The following CACNA1G variants were observed in gnomAD, a reference collection of about 807,000 sequenced individuals.
CACNA1G encodes the protein voltage-dependent T-type calcium channel subunit alpha-1G.
A neutral mutation model predicts 219.4 loss-of-function variants in CACNA1G; 67 were observed. That is an observed-to-expected ratio of 0.31 (90% confidence interval 0.25 to 0.37). The LOEUF (loss-of-function observed/expected upper bound fraction) is 0.37, where lower values mean the gene tolerates loss of function less well. Among genes scored for constraint, CACNA1G ranks in the 10% least tolerant of loss-of-function variants. The pLI is 1.00. For synonymous variants in CACNA1G, 1,296 were observed against 1,345.3 expected, an observed-to-expected ratio of 0.96 and a Z score of 0.80; for missense variants, 2,380 against 3,231.4, an observed-to-expected ratio of 0.74 and a Z score of 6.39.
At position 50,605,431 on chromosome 17, in the gene CACNA1G, G is replaced by T. The variant is rs2047746225; in HGVS notation, c.4297-467G>T. On this transcript the variant is annotated intron_variant, in intron 22 of 37. Coordinates refer to ENST00000359106, the MANE Select transcript of CACNA1G (RefSeq NM_018896.5). Reference sequence around the variant, plus strand: ...GATACCCACTCCCCCACCCAGAGCTGCTGTGAGAATTAAATGCCCAGCTCA... The same window carrying T: ...GATACCCACTCCCCCACCCAGAGCTTCTGTGAGAATTAAATGCCCAGCTCA... Among the ~76,000 whole-genome samples, 4 of 152,196 alleles carry T rather than the reference G, an allele frequency of 2.6e-5. No individual in the cohort carries two copies. The South Asian group carries it at 8.3e-4, about 32-fold the overall frequency.
At chr17:50,562,387 G>A (rs1012397130) in intron 1 of CACNA1G, among the ~76,000 whole-genome samples, 1 of 152,192 alleles carries the variant, frequency 6.6e-6, no homozygotes, top group Non-Finnish European at 1.5e-5. Flanking sequence ...GATGTCAGGG[G>A]CGCAGAATGA....
intron 1 of CACNA1G, among the ~76,000 whole-genome samples, chr17:50,564,028 T>C (rs2036895953): frequency 1.3e-5 from 2 of 152,092 alleles, no homozygotes; most frequent in African/African-American, 4.8e-5. Context: ...CCCAACTAAC[T>C]GAAGCTAGTT....
At chr17:50,606,162 C>A (rs1297744787) in intron 23 of CACNA1G, 139 bp downstream of exon 23, 3 of 1,230,548 alleles carry the variant, frequency 2.4e-6, no homozygotes, top group Admixed American at 1.7e-5. Flanking sequence ...GCTGTCTAAC[C>A]ACCAGCATGT....
intron 26 of CACNA1G, 68 bp from the exon 27 acceptor site, chr17:50,615,293 A>C (rs1598706179): frequency 7.4e-7 from 1 of 1,356,532 alleles, no homozygotes; most frequent in Non-Finnish European, 9.6e-7. Context: ...GCTGTGAGGG[A>C]CTGGGGGTGG....
At chr17:50,579,771 G>A (rs911320279) in intron 9 of CACNA1G, among the ~76,000 whole-genome samples, 17 of 152,140 alleles carry the variant, frequency 1.1e-4, no homozygotes, top group African/African-American at 4.1e-4. Context: ...GGGGCCAGTG[G>A]TGTGGAGTGG....
At chr17:50,572,879 C>G (rs746023659) in intron 6 of CACNA1G, 25 bp downstream of exon 6, 2 of 1,604,780 alleles carry the variant, frequency 1.2e-6, no homozygotes, top group South Asian at 2.2e-5. Context: ...GCCCCGGGAG[C>G]TTCCCCAGAA....
In CACNA1G at chr17:50,596,816, C is replaced by G. The variant is rs1197860432; in HGVS notation, c.3151C>G (p.Pro1051Ala). 6.2e-7 allele frequency: 1 copy of G among 1,610,440 alleles called. No individual in the cohort carries two copies. The highest frequency in any genetic ancestry group is 1.3e-5 in the African/African-American group (1 of 74,874). Residue 1051 changes from proline to alanine, a missense_variant, in exon 16 of 38, where the codon CCC becomes GCC. By Grantham distance (27) the Pro-to-Ala change is conservative (BLOSUM62 -1). Transcript: ENST00000359106. The surrounding 1 kb of genome is among the most constrained non-coding windows in gnomAD (Gnocchi z 4.8). ...CACGGCCGCCACACCCATGTCGCTG[C>G]CCAAGAGCACCAGCACGGGCCTGGG... ...IHTAATPMSL[P>A]KSTSTGLGEA...
rs200141555 is a variant in CACNA1G at position 50,626,327 on chromosome 17, C to A, written c.6710C>A (p.Pro2237His). The A allele has an allele frequency of 4.3e-4, 693 of 1,613,302 alleles. 4 individuals carry two copies. The Middle Eastern group carries it at 0.018, about 42-fold the overall frequency. ...CTGCCCCCTGGCGGCCAGGAGGAGCCCCCATCCCCACGGGACCTGAAGAAG... is the reference window on the plus strand; with the variant it reads ...CTGCCCCCTGGCGGCCAGGAGGAGCACCCATCCCCACGGGACCTGAAGAAG... ...DLLPPGGQEE[P>H]PSPRDLKKCY... The change falls in exon 38 of 38, where the codon CCC becomes CAC. Residue 2237 changes from proline (P) to histidine (H), a missense_variant. Coordinates refer to ENST00000359106, the MANE Select transcript of CACNA1G (RefSeq NM_018896.5). This position sits in a 1 kb window ranked among gnomAD's most constrained non-coding sequence, Gnocchi z 4.3.
chr17:50,618,759 C>T lies in CACNA1G; in HGVS notation c.5532C>T (p.Asn1844=), dbSNP rs771269695. 9.6e-5 allele frequency: 155 copies of T among 1,613,872 alleles called. No homozygotes were observed. The highest frequency in any genetic ancestry group is 3.3e-4 in the Middle Eastern group (2 of 6,084). Reference sequence around the variant, plus strand: ...TGACGGCCCAGTTCGTGCTAGTCAACGTGGTGATCGCCGTGCTGATGAAGC... The same window carrying T: ...TGACGGCCCAGTTCGTGCTAGTCAATGTGGTGATCGCCGTGCTGATGAAGC... ...FVLTAQFVLV[N]VVIAVLMKHL... Residue 1844 remains asparagine, a synonymous_variant, in exon 33 of 38, where the codon AAC becomes AAT. Transcript: ENST00000359106. The surrounding 1 kb of genome is among the most constrained non-coding windows in gnomAD (Gnocchi z 5.3).
intron 33 of CACNA1G, 92 bp from the exon 34 acceptor site, chr17:50,619,591 C>A: frequency 8.0e-7 from 1 of 1,247,432 alleles, no homozygotes; most frequent in Non-Finnish European, 1.1e-6. Context: ...CTCTGTTTCT[C>A]TTGTCAATCC....
Position 50,617,374 on chromosome 17 carries a change from C to A in CACNA1G, c.5022-64C>A. On this transcript the variant is annotated intron_variant, in intron 28 of 37. Coordinates refer to ENST00000359106, the MANE Select transcript of CACNA1G (RefSeq NM_018896.5). This position sits in a 1 kb window ranked among gnomAD's most constrained non-coding sequence, Gnocchi z 5.8. ...TTTCAAGCCCTGTCTTTCTGTGCCA[C>A]GACTGCCCCCTCCTTCAGGAACCCC... is the stretch of plus-strand genomic sequence containing the variant. The A allele has an allele frequency of 1.3e-6, 2 of 1,544,228 alleles. No homozygotes were observed. The highest frequency in any genetic ancestry group is 1.8e-6 in the Non-Finnish European group (2 of 1,136,448).
At chr17:50,583,858 TG>T (rs2042462201) in intron 9 of CACNA1G, among the ~76,000 whole-genome samples, 2 of 152,040 alleles carry the variant, frequency 1.3e-5, no homozygotes, top group South Asian at 4.2e-4. Context: ...TGGTGCAGGC[TG>T]GGTGGAGGAG....
At chr17:50,568,385 G>A (rs1260403746) in intron 1 of CACNA1G, among the ~76,000 whole-genome samples, 3 of 152,204 alleles carry the variant, frequency 2.0e-5, no homozygotes, top group Admixed American at 2.0e-4. Context: ...TCACAGGGCT[G>A]TTGTGAGCAT....
chr17:50,624,515 C>A lies in CACNA1G; in HGVS notation c.6385C>A (p.Pro2129Thr). 1 of 1,592,942 alleles carries A rather than the reference C, an allele frequency of 6.3e-7. No homozygotes were observed. The highest frequency in any genetic ancestry group is 8.5e-7 in the Non-Finnish European group (1 of 1,169,890). ...AGGACGCTCCCCTTTGGCTCAGAGG[C>A]CACTCAGGCGCCAGGTGAGCAGATG... Reference protein sequence around the residue: ...PPGRSPLAQRPLRRQAAIRTD... With the variant: ...PPGRSPLAQRTLRRQAAIRTD... Residue 2129 changes from proline (P) to threonine (T), a missense_variant, in exon 37 of 38, where the codon CCA becomes ACA. Around this residue, in one of 17 missense-constraint regions of CACNA1G, gnomAD observed 672 missense variants for 670.5 expected, o/e 1.00. Transcript: ENST00000359106.
At chr17:50,599,945 T>G in intron 17 of CACNA1G, 86 bp downstream of exon 17, 1 of 1,336,526 alleles carries the variant, frequency 7.5e-7, no homozygotes. Flanking sequence ...ATAAGGGAGT[T>G]ACCATTCCAA....
At chr17:50,622,150 C>G (rs1567782978) in intron 35 of CACNA1G, among the ~76,000 whole-genome samples, 1 of 151,868 alleles carries the variant, frequency 6.6e-6, no homozygotes, top group African/African-American at 2.4e-5. Context: ...TGCAAGCCAG[C>G]CCTCCCTGTG....
intron 16 of CACNA1G, among the ~76,000 whole-genome samples, chr17:50,597,743 T>C (rs1330868884): frequency 1.3e-5 from 2 of 152,252 alleles, no homozygotes; most frequent in Non-Finnish European, 2.9e-5. Context: ...TGATTCCTCC[T>C]GTCCAACTGA....
At chr17:50,608,137 TC>T in intron 25 of CACNA1G, 118 bp downstream of exon 25, 1 of 860,494 alleles carries the variant, frequency 1.2e-6, no homozygotes, top group Non-Finnish European at 1.8e-6. Context: ...GAGAAGAGGC[TC>T]CCACCCCCCT....
intron 26 of CACNA1G, among the ~76,000 whole-genome samples, chr17:50,613,834 C>T (rs1476539512): frequency 2.6e-5 from 4 of 152,116 alleles, no homozygotes; most frequent in Non-Finnish European, 5.9e-5. Flanking sequence ...CCACCCGGCC[C>T]ACCCTCCACC....
Sources: allele counts gnomAD v4.1 joint callset (sites outside exome capture counted in the v4.1 genomes callset), GRCh38; gene constraint gnomAD v4.1.1; regional missense constraint gnomAD v4.1.1; non-coding constraint Gnocchi (gnomAD v3.1); transcripts MANE v1.5; gene names NCBI Gene and HGNC (gene_info 2026-07-23, HGNC 2026-07-21).